Variants in PIWIL2 observed in about 807,000 individuals in gnomAD.
PIWIL2 encodes the protein piwi-like protein 2.
In PIWIL2, 81 loss-of-function variants were observed where a neutral mutation model predicts 116.5. The observed-to-expected ratio is 0.70, with a 90% confidence interval of 0.58 to 0.84. PIWIL2 has a LOEUF of 0.84. Among genes scored for constraint, PIWIL2 ranks in the 40% least tolerant of loss-of-function variants. The pLI is 0.00. For synonymous variants in PIWIL2, 489 were observed against 429.5 expected, an observed-to-expected ratio of 1.14 and a Z score of -1.71; for missense variants, 1,272 against 1,212.3, an observed-to-expected ratio of 1.05 and a Z score of -0.73.
At chr8:22,317,495 CAAAT>C (rs1045872488) in intron 19 of PIWIL2, among the ~76,000 whole-genome samples, 7 of 152,184 alleles carry the variant, frequency 4.6e-5, no homozygotes, top group African/African-American at 1.4e-4. Context: ...TGTATCATTA[CAAAT>C]AAATCTCCAC....
chr8:22,290,575 A>G (rs751923651), intron 10 of PIWIL2, among the ~76,000 whole-genome samples: 1 of 150,998 alleles, frequency 6.6e-6, no homozygotes, highest in Non-Finnish European at 1.5e-5. Flanking sequence ...CTGAGTAGCC[A>G]GGACTACGGG....
At chr8:22,289,184 C>T (rs780188534) in intron 8 of PIWIL2, among the ~76,000 whole-genome samples, 3 of 143,898 alleles carry the variant, frequency 2.1e-5, no homozygotes, top group Middle Eastern at 3.7e-3. Flanking sequence ...GACGGAGTCT[C>T]GCTCTGTCGC....
At chr8:22,335,215 A>G (rs1423781032) in intron 20 of PIWIL2, among the ~76,000 whole-genome samples, 1 of 152,210 alleles carries the variant, frequency 6.6e-6, no homozygotes, top group Non-Finnish European at 1.5e-5. Flanking sequence ...CAAAGATGTA[A>G]GGGATAGAAG....
intron 19 of PIWIL2, among the ~76,000 whole-genome samples, chr8:22,317,302 A>G (rs1831483472): frequency 6.6e-6 from 1 of 152,180 alleles, no homozygotes; most frequent in Non-Finnish European, 1.5e-5. Context: ...TTTTATTCAT[A>G]TTAACAGTTG....
At position 22,356,813 on chromosome 8, in the gene PIWIL2, C is replaced by G. The variant is rs961273557; in HGVS notation, c.*1308C>G. 5 of 152,130 alleles carry G rather than the reference C, an allele frequency of 3.3e-5. No homozygotes were observed. Among genetic ancestry groups the G allele is most frequent in the Non-Finnish European group, 5.9e-5 (4 of 68,038 alleles). 9.4% of individuals were successfully genotyped at this position (152,130 alleles called of 1,614,324 possible). A position where few individuals can be genotyped will look rare whatever the true frequency, so the allele number is the denominator to read the frequency against. On this transcript the variant is annotated 3_prime_UTR_variant, in exon 23 of 23. Coordinates refer to ENST00000356766, the MANE Select transcript of PIWIL2 (RefSeq NM_018068.5). ...CAGATGGTTAGAAAGTTATCACATA[C>G]CATGGGTTTCAGTGTTTTTGGAAAC...
Position 22,304,772 on chromosome 8 carries a change from A to G in PIWIL2, c.1371-12A>G, listed in dbSNP as rs778662618. On this transcript the variant is annotated splice_polypyrimidine_tract_variant and intron_variant, in intron 11 of 22. Transcript: ENST00000356766. ...GCTTCTGAAATTTTTTCCTGCCTCT[A>G]CTCTGCTCTAGCAAAAATTATGGGA... The G allele has an allele frequency of 5.0e-6, 8 of 1,592,340 alleles. No individual in the cohort carries two copies. The Admixed American group carries it at 8.3e-5, about 17-fold the overall frequency.
In PIWIL2 at chr8:22,294,899, GGAAAAAAAAAAAAAA is replaced by G. The variant is rs1421397722; in HGVS notation, c.1181+4554_1181+4568del. On this transcript the variant is annotated intron_variant, in intron 10 of 22. Transcript: ENST00000356766. ...AACATGGTGAAATCCCATCTTTACTGGAAAAAAAAAAAAAAAAAAAAAAAAAAAAATTAACTGGGC... is the reference window on the plus strand; with the variant it reads ...AACATGGTGAAATCCCATCTTTACTGAAAAAAAAAAAAAAATTAACTGGGC... Among the ~76,000 whole-genome samples the G allele has an allele frequency of 7.6e-4, 60 of 79,418 alleles. 2 individuals carry two copies. Among genetic ancestry groups the G allele is most frequent in the African/African-American group, 3.5e-3 (51 of 14,436 alleles). 52.1% of individuals were successfully genotyped at this position (79,418 alleles called of 152,430 possible). A position where few individuals can be genotyped will look rare whatever the true frequency, so the allele number is the denominator to read the frequency against.
intron 6 of PIWIL2, among the ~76,000 whole-genome samples, chr8:22,286,789 T>A (rs1052542432): frequency 7.2e-5 from 11 of 151,856 alleles, no homozygotes; most frequent in African/African-American, 2.7e-4. Context: ...ACCCCACTAA[T>A]TTTTTTGTAT....
At chr8:22,298,398 G>T (rs1170245108) in intron 10 of PIWIL2, among the ~76,000 whole-genome samples, 3 of 152,178 alleles carry the variant, frequency 2.0e-5, no homozygotes, top group African/African-American at 7.2e-5. Flanking sequence ...TCTATTTTAC[G>T]TAAGGAAGTA....
At chr8:22,335,963 A>G (rs1330712165) in intron 20 of PIWIL2, among the ~76,000 whole-genome samples, 4 of 152,252 alleles carry the variant, frequency 2.6e-5, no homozygotes, top group Non-Finnish European at 4.4e-5. Context: ...CAATTACAAT[A>G]TATGTGCACC....
intron 10 of PIWIL2, among the ~76,000 whole-genome samples, chr8:22,300,881 C>T (rs953137616): frequency 1.3e-5 from 2 of 152,138 alleles, no homozygotes; most frequent in East Asian, 3.8e-4. Context: ...TAATTCATTA[C>T]ATATAAGAAG....
intron 10 of PIWIL2, among the ~76,000 whole-genome samples, chr8:22,293,664 T>A (rs754226714): frequency 1.3e-5 from 2 of 152,200 alleles, no homozygotes; most frequent in African/African-American, 2.4e-5. Flanking sequence ...TACCTTGATA[T>A]GAAGTTGGGA....
intron 10 of PIWIL2, among the ~76,000 whole-genome samples, chr8:22,292,210 G>C (rs1830782613): frequency 6.6e-6 from 1 of 152,196 alleles, no homozygotes; most frequent in Non-Finnish European, 1.5e-5. Flanking sequence ...CTTTTGTGAG[G>C]GTTTTAACTT....
intron 14 of PIWIL2, among the ~76,000 whole-genome samples, chr8:22,309,527 C>T (rs1563382281): frequency 6.6e-6 from 1 of 151,860 alleles, no homozygotes; most frequent in African/African-American, 2.4e-5. Context: ...TTAGTAGAGA[C>T]AGGGTTTCAC....
intron 10 of PIWIL2, among the ~76,000 whole-genome samples, chr8:22,294,766 T>A (rs1446363432): frequency 6.7e-6 from 1 of 149,210 alleles, no homozygotes; most frequent in African/African-American, 2.5e-5. Context: ...TTTATTGAAA[T>A]GTATTTTGTT....
At chr8:22,352,890 G>A in intron 20 of PIWIL2, 69 bp from the exon 21 acceptor site, 1 of 1,479,164 alleles carries the variant, frequency 6.8e-7, no homozygotes, top group South Asian at 1.3e-5. Context: ...AATGCGAGTG[G>A]GCCTCTCACT....
intron 4 of PIWIL2, among the ~76,000 whole-genome samples, chr8:22,282,096 T>TA (rs1554496883): frequency 4.1e-5 from 6 of 145,122 alleles, no homozygotes; most frequent in East Asian, 2.0e-4. Context: ...TTTTTTTTTT[T>TA]AAGGGATGGG....
chr8:22,296,892 A>G (rs573993540), intron 10 of PIWIL2, among the ~76,000 whole-genome samples: 3 of 152,288 alleles, frequency 2.0e-5, no homozygotes, highest in African/African-American at 7.2e-5. Context: ...TTATCTAAAA[A>G]TGTTTTCCAA....
intron 20 of PIWIL2, among the ~76,000 whole-genome samples, chr8:22,322,535 G>A (rs770825097): frequency 2.6e-5 from 4 of 152,120 alleles, no homozygotes; most frequent in Non-Finnish European, 5.9e-5. Flanking sequence ...CCAGAGTGCT[G>A]GGATTATAGC....
Sources: allele counts gnomAD v4.1 joint callset (sites outside exome capture counted in the v4.1 genomes callset), GRCh38; gene constraint gnomAD v4.1.1; transcripts MANE v1.5; gene names NCBI Gene and HGNC (gene_info 2026-07-23, HGNC 2026-07-21).